Variants in ANO3 observed in about 807,000 individuals in gnomAD.
The protein encoded by ANO3 is anoctamin-3.
In ANO3, 99 loss-of-function variants were observed where a neutral mutation model predicts 144.8. The observed-to-expected ratio is 0.68, with a 90% CI of 0.58 to 0.81. ANO3 has a LOEUF of 0.81. Among genes scored for constraint, ANO3 ranks in the 30% least tolerant of loss-of-function variants. The probability of loss-of-function intolerance (pLI) is 0.00; values close to 1 mark genes in which losing one functional copy is unlikely to be tolerated. For synonymous variants in ANO3, 414 were observed against 392.6 expected, an observed-to-expected ratio of 1.05 and a Z score of -0.64; for missense variants, 905 against 1,202.2, an observed-to-expected ratio of 0.75 and a Z score of 3.66.
chr11:26,314,226 A>G (rs1022164359), intron 1 of ANO3, among the ~76,000 whole-genome samples: 1 of 152,172 alleles, frequency 6.6e-6, no homozygotes, highest in Non-Finnish European at 1.5e-5. Context: ...CTGCACGGCA[A>G]TCATCTTCCT....
chr11:26,480,716 GTT>G (rs755704297), intron 4 of ANO3, among the ~76,000 whole-genome samples: 11,426 of 152,082 alleles, frequency 0.075, 604 homozygotes, highest in Admixed American at 0.13. Flanking sequence ...GCTGAGGCAG[GTT>G]CATCAATTGA....
At chr11:26,337,977 C>G (rs1203725294) in intron 1 of ANO3, among the ~76,000 whole-genome samples, 1 of 151,932 alleles carries the variant, frequency 6.6e-6, no homozygotes, top group African/African-American at 2.4e-5. Context: ...GTAGTCGTAC[C>G]TTGTTGAAAA....
chr11:26,323,035 G>C (rs1355316374), intron 1 of ANO3, among the ~76,000 whole-genome samples: 1 of 151,798 alleles, frequency 6.6e-6, no homozygotes, highest in Admixed American at 6.6e-5. Context: ...TTTCTCATCT[G>C]TGACCACTGA....
intron 1 of ANO3, among the ~76,000 whole-genome samples, chr11:26,301,637 GAGAT>G (rs1854235245): frequency 6.6e-6 from 1 of 152,130 alleles, no homozygotes; most frequent in Admixed American, 6.5e-5. Flanking sequence ...GAGGGATTGA[GAGAT>G]AGGGAAGGAA....
chr11:26,491,521 G>C (rs1188201307), intron 4 of ANO3, among the ~76,000 whole-genome samples: 2 of 152,156 alleles, frequency 1.3e-5, no homozygotes, highest in Admixed American at 6.5e-5. Context: ...CTGAGCAAGG[G>C]AAACATCTCA....
intron 1 of ANO3, among the ~76,000 whole-genome samples, chr11:26,315,578 T>C (rs940284298): frequency 1.3e-5 from 2 of 152,016 alleles, no homozygotes; most frequent in Admixed American, 1.3e-4. Flanking sequence ...CGTTGACAAG[T>C]GGGAATAAAG....
intron 1 of ANO3, among the ~76,000 whole-genome samples, chr11:26,191,741 C>T (rs1303475931): frequency 2.0e-5 from 3 of 152,176 alleles, no homozygotes; most frequent in African/African-American, 7.2e-5. Context: ...TCCTCTGCCT[C>T]CATTTATTAT....
chr11:26,473,978 A>G, intron 4 of ANO3: 2 of 985,198 alleles, frequency 2.0e-6, no homozygotes, highest in Non-Finnish European at 2.4e-6. Context: ...AGCACTCAGT[A>G]TGTAACATTC....
At chr11:26,498,220 G>T (rs1287536904) in intron 4 of ANO3, among the ~76,000 whole-genome samples, 1 of 151,960 alleles carries the variant, frequency 6.6e-6, no homozygotes, top group Non-Finnish European at 1.5e-5. Flanking sequence ...TGACTGAAGA[G>T]AATGTATTGT....
chr11:26,434,075 G>T (rs1451168495), intron 1 of ANO3, among the ~76,000 whole-genome samples: 2 of 151,776 alleles, frequency 1.3e-5, no homozygotes, highest in Non-Finnish European at 2.9e-5. Flanking sequence ...TTGTAGTATT[G>T]GTCTGTTCAG....
Position 26,427,225 on chromosome 11 carries a change from CAGCA to C in ANO3, c.47-14692_47-14689del, listed in dbSNP as rs1267768663. ...CATCTCCAAACAACAAGTTCAAGAT[CAGCA>C]TGAAATTGGAAATCCAGGATCCTAG... is the stretch of plus-strand genomic sequence containing the variant. On this transcript the variant is annotated intron_variant, in intron 1 of 26. Transcript: ENST00000256737. 3 of 184,584 alleles carry C rather than the reference CAGCA, an allele frequency of 1.6e-5. No homozygotes were observed. The East Asian group carries it at 3.9e-4, about 24-fold the overall frequency. 11.4% of individuals were successfully genotyped at this position (184,584 alleles called of 1,614,324 possible). A position where few individuals can be genotyped will look rare whatever the true frequency, so the allele number is the denominator to read the frequency against.
intron 1 of ANO3, among the ~76,000 whole-genome samples, chr11:26,371,579 G>A (rs542429393): frequency 8.5e-5 from 13 of 152,310 alleles, no homozygotes; most frequent in African/African-American, 2.6e-4. Flanking sequence ...GGCACTCAAC[G>A]CCAGCCCATG....
intron 1 of ANO3, among the ~76,000 whole-genome samples, chr11:26,224,672 G>T (rs1032214282): frequency 6.6e-6 from 1 of 152,212 alleles, no homozygotes; most frequent in Non-Finnish European, 1.5e-5. Flanking sequence ...CCTCTGCCAA[G>T]CATCCTTTTG....
chr11:26,353,723 C>T (rs1231835445), intron 1 of ANO3, among the ~76,000 whole-genome samples: 2 of 152,148 alleles, frequency 1.3e-5, no homozygotes, highest in African/African-American at 2.4e-5. Flanking sequence ...CATGCGCCAC[C>T]GCGTCAGGCT....
chr11:26,189,739 T>C (rs1181672246), intron 1 of ANO3, among the ~76,000 whole-genome samples: 4 of 152,170 alleles, frequency 2.6e-5, no homozygotes, highest in African/African-American at 9.6e-5. Flanking sequence ...TGCACAATTA[T>C]ATAAAGGATA....
At chr11:26,621,080 T>C (rs1352974130) in intron 17 of ANO3, among the ~76,000 whole-genome samples, 3 of 152,166 alleles carry the variant, frequency 2.0e-5, no homozygotes, top group South Asian at 2.1e-4. Context: ...GACTAAAAGA[T>C]AAAAAGTTCT....
At chr11:26,264,550 G>A (rs1300014032) in intron 1 of ANO3, among the ~76,000 whole-genome samples, 1 of 152,144 alleles carries the variant, frequency 6.6e-6, no homozygotes, top group East Asian at 1.9e-4. Flanking sequence ...GTAGAGGAGG[G>A]ATACCTCATA....
At chr11:26,649,383 TA>T (rs1853451398) in intron 24 of ANO3, among the ~76,000 whole-genome samples, 1 of 152,238 alleles carries the variant, frequency 6.6e-6, no homozygotes, top group Non-Finnish European at 1.5e-5. Context: ...TAGACATGCT[TA>T]TCCTGTATTC....
At chr11:26,350,243 A>G (rs1855609570) in intron 1 of ANO3, among the ~76,000 whole-genome samples, 1 of 152,134 alleles carries the variant, frequency 6.6e-6, no homozygotes, top group Non-Finnish European at 1.5e-5. Context: ...CATGAGTGAA[A>G]CTAGTCAGGA....
Sources: gnomAD v4.1 joint callset for allele counts (sites outside exome capture counted in the v4.1 genomes callset) on GRCh38, gnomAD v4.1.1 for gene constraint, MANE v1.5 for transcripts, NCBI Gene and HGNC (gene_info 2026-07-23, HGNC 2026-07-21) for gene names.